Variants in C11orf58 observed in about 807,000 individuals in gnomAD.
C11orf58 encodes the protein small acidic protein.
A neutral mutation model predicts 22.7 loss-of-function variants in C11orf58; 5 were observed. The ratio of observed to expected loss-of-function variants is 0.22; its 90% CI spans 0.12 to 0.46. C11orf58 has a LOEUF of 0.46. Ranked by LOEUF, C11orf58 falls within the 20% of genes least tolerant of loss-of-function variation. The pLI, the probability that C11orf58 is intolerant of heterozygous loss-of-function variation, is 0.99. For missense variants in C11orf58, 151 were observed against 223.3 expected (o/e 0.68, Z 2.06); for synonymous variants, 71 against 70.7 (o/e 1.00, Z -0.02).
intron 1 of C11orf58, among the ~76,000 whole-genome samples, chr11:16,742,164 A>G (rs1848453404): frequency 6.6e-6 from 1 of 152,240 alleles, no homozygotes; most frequent in Non-Finnish European, 1.5e-5. Flanking sequence ...TTTTTAATAG[A>G]AGCAGAATCA....
Position 16,754,885 on chromosome 11 carries a change from T to C in C11orf58, c.333T>C (p.Asp111=). 1 of 1,613,978 alleles carries C rather than the reference T, an allele frequency of 6.2e-7. No individual in the cohort carries two copies. Among genetic ancestry groups the C allele is most frequent in the Non-Finnish European group, 8.5e-7 (1 of 1,179,980 alleles). The change falls in exon 5 of 5, where the codon GAT becomes GAC. Residue 111 remains aspartate (D), a synonymous_variant. Transcript: ENST00000228136. ...GLGFSEVEDH[D]GEGDVAGDDD... ...TGATGTTTTAGGTAGAAGACCATGA[T>C]GGAGAAGGTGATGTGGCTGGAGATG... is the stretch of plus-strand genomic sequence containing the variant.
Position 16,757,878 on chromosome 11 carries a change from G to A in C11orf58, c.*2774G>A, listed in dbSNP as rs1230400742. On this transcript the variant is annotated 3_prime_UTR_variant, in exon 5 of 5. Coordinates refer to ENST00000228136, the MANE Select transcript of C11orf58 (RefSeq NM_014267.6). ...ATTTTTTAAATCTGAGAGAATTGAA[G>A]GTACAGAAAAAAATTCTGGAGTGCC... Among the ~76,000 whole-genome samples the A allele has an allele frequency of 1.3e-5, 2 of 152,174 alleles. No individual in the cohort carries two copies. The highest frequency in any genetic ancestry group is 2.4e-5 in the African/African-American group (1 of 41,426).
intron 3 of C11orf58, chr11:16,750,900 GTGTAC>G (rs1848527734): frequency 6.6e-6 from 1 of 152,220 alleles, no homozygotes; most frequent in Non-Finnish European, 1.5e-5. Context: ...ATGTGAGTCT[GTGTAC>G]TGTGTCATCT....
chr11:16,754,049 T>A, intron 4 of C11orf58: 2 of 416,550 alleles, frequency 4.8e-6, no homozygotes, highest in Non-Finnish European at 8.6e-6. Flanking sequence ...AAGTAAAATA[T>A]TTCATTTAGG....
chr11:16,752,908 T>C lies in C11orf58; in HGVS notation c.318+14T>C. On this transcript the variant is annotated intron_variant, in intron 4 of 4. Coordinates refer to ENST00000228136, the MANE Select transcript of C11orf58 (RefSeq NM_014267.6). ...GGCTTCAGTGAGGTAGTAATTAACT[T>C]ATTTTCATTGGGAAGATAATTAGTT... The C allele has an allele frequency of 6.4e-7, 1 of 1,571,136 alleles. No individual in the cohort carries two copies. Among genetic ancestry groups the C allele is most frequent in the Non-Finnish European group, 8.7e-7 (1 of 1,146,260 alleles).
At chr11:16,748,866 AAACT>A (rs947187252) in intron 3 of C11orf58, among the ~76,000 whole-genome samples, 4 of 152,164 alleles carry the variant, frequency 2.6e-5, no homozygotes, top group Non-Finnish European at 5.9e-5. Flanking sequence ...TCTAACCAAG[AAACT>A]AACCTTTTTC....
At chr11:16,749,984 A>C (rs1848519429) in intron 3 of C11orf58, 1 of 152,222 alleles carries the variant, frequency 6.6e-6, no homozygotes, top group Admixed American at 6.5e-5. Flanking sequence ...CATTTGTCTC[A>C]GTCACAGTTT....
chr11:16,738,788 G>C lies in C11orf58; in HGVS notation c.10G>C (p.Ala4Pro). 1 of 1,614,024 alleles carries C rather than the reference G, an allele frequency of 6.2e-7. No individual in the cohort carries two copies. Among genetic ancestry groups the C allele is most frequent in the Non-Finnish European group, 8.5e-7 (1 of 1,179,998 alleles). ...CGGGATCCCCGCAAGGATGAGTGCT[G>C]CCAGAGAGTCTCACCCGCATGGGGT... Reference protein sequence around the residue: MSAARESHPHGVKR... With the variant: MSAPRESHPHGVKR... The change falls in exon 1 of 5, where the codon GCC becomes CCC. Residue 4 changes from alanine to proline, a missense_variant. By Grantham distance (27) the Ala-to-Pro change is conservative. Coordinates refer to ENST00000228136, the MANE Select transcript of C11orf58 (RefSeq NM_014267.6).
chr11:16,739,282 T>TA (rs1397451398), intron 1 of C11orf58, among the ~76,000 whole-genome samples: 1 of 152,200 alleles, frequency 6.6e-6, no homozygotes, highest in Non-Finnish European at 1.5e-5. Context: ...GGATGATTTT[T>TA]ACAATGTGCT....
At chr11:16,747,393 G>A (rs1236414666) in intron 2 of C11orf58, 1 of 152,168 alleles carries the variant, frequency 6.6e-6, no homozygotes, top group East Asian at 1.9e-4. Context: ...CCTTCACATG[G>A]TGTTTTAATG....
intron 1 of C11orf58, 35 bp downstream of exon 1, chr11:16,738,876 G>A: frequency 6.2e-7 from 1 of 1,612,262 alleles, no homozygotes; most frequent in Non-Finnish European, 8.5e-7. Flanking sequence ...GAGGGTTGAG[G>A]CCTACTAAAG....
chr11:16,753,485 C>A (rs950455498), intron 4 of C11orf58, among the ~76,000 whole-genome samples: 2 of 152,118 alleles, frequency 1.3e-5, no homozygotes, highest in Admixed American at 6.6e-5. Flanking sequence ...GCCTCAGCCT[C>A]CCGAGTAGCT....
intron 3 of C11orf58, chr11:16,752,083 A>T (rs1848537884): frequency 6.5e-6 from 1 of 155,012 alleles, no homozygotes; most frequent in Admixed American, 6.5e-5. Flanking sequence ...TAAGCAACAC[A>T]CTTAGGGTGT....
chr11:16,752,720 A>G lies in C11orf58; in HGVS notation c.209-65A>G. The G allele has an allele frequency of 3.5e-6, 4 of 1,142,770 alleles. No homozygotes were observed. In the South Asian group the frequency reaches 5.5e-5, roughly 16 times the overall value. The allele number at this position is 1,142,770 out of a possible 1,614,324, so 70.8% of individuals were successfully genotyped here. ...CAGCCCTGAGTATAATAGCATCTGT[A>G]TTATGGGTTTTTGTGTAAATTATTA... On this transcript the variant is annotated intron_variant, in intron 3 of 4. Coordinates refer to ENST00000228136, the MANE Select transcript of C11orf58 (RefSeq NM_014267.6).
rs573626223 is a variant in C11orf58, at chr11:16,754,547, C to CTTTTTTT, written c.319-292_319-286dup. On this transcript the variant is annotated intron_variant, in intron 4 of 4. Transcript: ENST00000228136. ...TTTTAGTTTCTCTCTCTCTCTCTCC[C>CTTTTTTT]TTTTTTTTTTTTTTTTTTTTTTTTT... is the stretch of plus-strand genomic sequence containing the variant. Among the ~76,000 whole-genome samples, 26 of 31,496 alleles carry CTTTTTTT rather than the reference C, an allele frequency of 8.3e-4. 11 individuals carry two copies. Among genetic ancestry groups the CTTTTTTT allele is most frequent in the Non-Finnish European group, 1.1e-3 (17 of 15,288 alleles). The allele number at this position is 31,496 out of a possible 152,430, so 20.7% of individuals were successfully genotyped here. A position where few individuals can be genotyped will look rare whatever the true frequency, so the allele number is the denominator to read the frequency against.
chr11:16,751,034 G>C (rs1750516186), intron 3 of C11orf58: 1 of 152,184 alleles, frequency 6.6e-6, no homozygotes, highest in Non-Finnish European at 1.5e-5. Flanking sequence ...ATGTAGCTCT[G>C]TGAGAAGATA....
intron 2 of C11orf58, 41 bp downstream of exon 2, chr11:16,744,725 A>C: frequency 6.4e-7 from 1 of 1,560,956 alleles, no homozygotes; most frequent in Non-Finnish European, 8.8e-7. Context: ...TTTCTGTGAA[A>C]ATATTGCCAT....
At position 16,741,094 on chromosome 11, in the gene C11orf58, TAAAAAAA is replaced by T. The variant is rs10634210; in HGVS notation, c.63+2266_63+2272del. Among the ~76,000 whole-genome samples the T allele has an allele frequency of 2.5e-3, 345 of 139,128 alleles. 2 individuals are homozygous for T. Among genetic ancestry groups the T allele is most frequent in the African/African-American group, 8.9e-3 (329 of 36,786 alleles). 91.3% of individuals were successfully genotyped at this position (139,128 alleles called of 152,430 possible). ...CTGGGCGACAGAGCGAGACTCTGTT[TAAAAAAA>T]AAAAAAAAAAAATCTAGTTATAATA... On this transcript the variant is annotated intron_variant, in intron 1 of 4. Transcript: ENST00000228136.
Position 16,757,845 on chromosome 11 carries a change from C to G in C11orf58, c.*2741C>G, listed in dbSNP as rs1848593681. The stretch of plus-strand genomic sequence containing the variant: ...TATTCATAGGCAAAAGTCCTCTTCT[C>G]TAGTATAATTTTTTAAATCTGAGAG... On this transcript the variant is annotated 3_prime_UTR_variant, in exon 5 of 5. Transcript: ENST00000228136. 6.6e-6 allele frequency among the ~76,000 whole-genome samples: 1 copy of G among 152,188 alleles called. No homozygotes were observed. The highest frequency in any genetic ancestry group is 2.1e-4 in the South Asian group (1 of 4,832).
Sources: allele counts gnomAD v4.1 joint callset (sites outside exome capture counted in the v4.1 genomes callset), GRCh38; gene constraint gnomAD v4.1.1; transcripts MANE v1.5; gene names NCBI Gene and HGNC (gene_info 2026-07-23, HGNC 2026-07-21).